Variants in TANGO6 observed in about 807,000 individuals in gnomAD.
TANGO6 encodes the protein transport and Golgi organization protein 6 homolog.
In TANGO6, 90 loss-of-function variants were observed where a neutral mutation model predicts 114.2. The observed-to-expected ratio is 0.79, with a 90% CI of 0.66 to 0.94. The LOEUF (loss-of-function observed/expected upper bound fraction) is 0.94, where lower values mean the gene tolerates loss of function less well. Among genes scored for constraint, TANGO6 ranks in the 40% least tolerant of loss-of-function variants. TANGO6 has a pLI of 0.00. For synonymous variants in TANGO6, 477 were observed against 509.8 expected, an observed-to-expected ratio of 0.94 and a Z score of 0.87; for missense variants, 1,274 against 1,315.3, an observed-to-expected ratio of 0.97 and a Z score of 0.49.
At chr16:68,855,606 C>T (rs778134688) in intron 1 of TANGO6, among the ~76,000 whole-genome samples, 10 of 151,858 alleles carry the variant, frequency 6.6e-5, no homozygotes, top group African/African-American at 1.5e-4. Context: ...AAATTTCAGC[C>T]GGGCGTGGTG....
At chr16:68,887,840 C>T (rs1344015011) in intron 7 of TANGO6, among the ~76,000 whole-genome samples, 1 of 152,118 alleles carries the variant, frequency 6.6e-6, no homozygotes, top group Non-Finnish European at 1.5e-5. Context: ...GATCATGCCA[C>T]TGCACTCCAG....
chr16:69,055,702 A>G (rs117037490), intron 17 of TANGO6, among the ~76,000 whole-genome samples: 1,961 of 152,282 alleles, frequency 0.013, 13 homozygotes, highest in Non-Finnish European at 0.019. Flanking sequence ...CTCAACAGTA[A>G]CTTGGCCAAA....
At chr16:68,857,882 T>C (rs1184608203) in intron 1 of TANGO6, among the ~76,000 whole-genome samples, 2 of 152,340 alleles carry the variant, frequency 1.3e-5, no homozygotes, top group East Asian at 3.9e-4. Flanking sequence ...TGATCAGTAA[T>C]TTTCTTTTTT....
intron 13 of TANGO6, among the ~76,000 whole-genome samples, chr16:68,928,607 T>C (rs529300770): frequency 1.3e-5 from 2 of 152,088 alleles, no homozygotes; most frequent in African/African-American, 4.8e-5. Flanking sequence ...TCCTTCAAAA[T>C]TTTTGCATGC....
chr16:69,019,415 T>C (rs893491047), intron 15 of TANGO6, among the ~76,000 whole-genome samples: 14 of 152,230 alleles, frequency 9.2e-5, no homozygotes, highest in African/African-American at 3.4e-4. Flanking sequence ...GCATGTAGTA[T>C]GTTAGGAATT....
intron 17 of TANGO6, among the ~76,000 whole-genome samples, chr16:69,082,982 C>T (rs1960488091): frequency 6.6e-6 from 1 of 152,034 alleles, no homozygotes; most frequent in Non-Finnish European, 1.5e-5. Flanking sequence ...AGCCCCAAGG[C>T]CATGTAGCTA....
intron 15 of TANGO6, among the ~76,000 whole-genome samples, chr16:69,001,662 C>T (rs1964044551): frequency 6.6e-6 from 1 of 152,068 alleles, no homozygotes; most frequent in Non-Finnish European, 1.5e-5. Flanking sequence ...ATCAAGGATC[C>T]CATTTTTACA....
chr16:69,004,971 G>C (rs1964079499), intron 15 of TANGO6, among the ~76,000 whole-genome samples: 1 of 152,172 alleles, frequency 6.6e-6, no homozygotes, highest in African/African-American at 2.4e-5. Flanking sequence ...CCCTAGGGTG[G>C]GACTCTAACC....
chr16:69,028,182 ACT>A (rs2152230111), intron 16 of TANGO6, among the ~76,000 whole-genome samples: 1 of 150,914 alleles, frequency 6.6e-6, no homozygotes, highest in African/African-American at 2.4e-5. Flanking sequence ...CTGGTCTTGA[ACT>A]CTTCACCTCA....
At chr16:68,902,177 C>G (rs1344046907) in intron 8 of TANGO6, 151 bp from the exon 9 acceptor site, 1 of 598,686 alleles carries the variant, frequency 1.7e-6, no homozygotes, top group African/African-American at 1.9e-5. Flanking sequence ...AAGAAGCATA[C>G]TTTCCATTCC....
At chr16:68,996,463 C>T (rs1963990310) in intron 15 of TANGO6, among the ~76,000 whole-genome samples, 1 of 152,032 alleles carries the variant, frequency 6.6e-6, no homozygotes, top group African/African-American at 2.4e-5. Flanking sequence ...GAGTTCTAGG[C>T]CCTGAAATGC....
At chr16:68,882,515 C>T (rs376610131) in intron 7 of TANGO6, among the ~76,000 whole-genome samples, 30 of 150,328 alleles carry the variant, frequency 2.0e-4, no homozygotes, top group African/African-American at 7.3e-4. Flanking sequence ...AAAAAGAAAA[C>T]GTGTTCATAG....
At chr16:68,858,127 G>A (rs1250374275) in intron 1 of TANGO6, among the ~76,000 whole-genome samples, 18 of 150,698 alleles carry the variant, frequency 1.2e-4, no homozygotes, top group Admixed American at 8.6e-4. Context: ...GCAGTGGCAC[G>A]ATCTTTGCTC....
chr16:69,005,450 T>C, intron 15 of TANGO6, among the ~76,000 whole-genome samples: 1 of 152,052 alleles, frequency 6.6e-6, no homozygotes, highest in East Asian at 1.9e-4. Context: ...TATGGCCACT[T>C]TCCCATCTAC....
chr16:68,992,689 G>A (rs576180181), intron 15 of TANGO6, among the ~76,000 whole-genome samples: 6 of 152,318 alleles, frequency 3.9e-5, no homozygotes, highest in Middle Eastern at 3.4e-3. Flanking sequence ...CTTTTCAACA[G>A]AGATTCTTTG....
intron 16 of TANGO6, chr16:69,034,609 G>A (rs573810821): frequency 9.2e-5 from 14 of 152,360 alleles, no homozygotes; most frequent in African/African-American, 2.6e-4. Flanking sequence ...ACCAGCCACC[G>A]TAGTCCCTTC....
intron 9 of TANGO6, 61 bp from the exon 10 acceptor site, chr16:68,907,382 G>A: frequency 6.7e-7 from 1 of 1,483,880 alleles, no homozygotes; most frequent in Non-Finnish European, 9.0e-7. Flanking sequence ...ATTGTTATGG[G>A]GTTTAAAATT....
At chr16:69,063,808 CTTATTA>C (rs1179628552) in intron 17 of TANGO6, among the ~76,000 whole-genome samples, 186 of 125,564 alleles carry the variant, frequency 1.5e-3, no homozygotes, top group African/African-American at 3.9e-3. Context: ...TCTTCTTCTT[CTTATTA>C]TTATTATTAT....
At chr16:69,041,834 A>G (rs1188358342) in intron 17 of TANGO6, among the ~76,000 whole-genome samples, 1 of 152,250 alleles carries the variant, frequency 6.6e-6, no homozygotes, top group Admixed American at 6.5e-5. Context: ...ATCACAAGAA[A>G]TATGTAAGTA....
Sources: gnomAD v4.1 joint callset for allele counts (sites outside exome capture counted in the v4.1 genomes callset) on GRCh38, gnomAD v4.1.1 for gene constraint, MANE v1.5 for transcripts, NCBI Gene and HGNC (gene_info 2026-07-23, HGNC 2026-07-21) for gene names.